The following DHX38 variants were observed in gnomAD, a reference collection of about 807,000 sequenced individuals.
DHX38 encodes DEAH-box helicase 38, also known as pre-mRNA-splicing factor ATP-dependent RNA helicase PRP16.
Under a neutral mutation model 153.1 loss-of-function variants are expected in DHX38, and 100 were observed. The ratio of observed to expected loss-of-function variants is 0.65; its 90% confidence interval spans 0.56 to 0.77. The LOEUF is 0.77. DHX38 is among the 30% of genes least tolerant of loss of function. The pLI, the probability that DHX38 is intolerant of heterozygous loss-of-function variation, is 0.00. For missense variants in DHX38, 1,440 were observed against 1,654.0 expected, an observed-to-expected ratio of 0.87 and a Z score of 2.24; for synonymous variants, 650 against 631.7, an observed-to-expected ratio of 1.03 and a Z score of -0.43.
Position 72,103,222 on chromosome 16 carries a change from C to G in DHX38, c.1637+11C>G, listed in dbSNP as rs1338085138. On this transcript the variant is annotated intron_variant, in intron 12 of 26. Coordinates refer to ENST00000268482, the MANE Select transcript of DHX38 (RefSeq NM_014003.4). ...GCTCACTATTATCAGGTAACTTCAC[C>G]CGGGGCCCAGGAATCTAGTGTCAAG... The G allele has an allele frequency of 6.2e-7, 1 of 1,611,620 alleles. No homozygotes were observed. The highest frequency in any genetic ancestry group is 1.1e-5 in the South Asian group (1 of 90,926).
rs140965988 is a variant in DHX38 at position 72,098,687 on chromosome 16, G to A, written c.659G>A (p.Ser220Asn). ...AGGTCTACCTGGGAGGAAGAGGACA[G>A]TGGCTATGGCTCCTCAAGGCGCTCA... ...PSRSTWEEED[S>N]GYGSSRRSQW... The change falls in exon 5 of 27, where the codon AGT (serine) becomes AAT (asparagine). Residue 220 changes from serine (S) to asparagine (N), a missense_variant. Ser to Asn is a conservative substitution (Grantham distance 46, BLOSUM62 1). Transcript: ENST00000268482. 2.5e-6 allele frequency: 4 copies of A among 1,614,102 alleles called. No homozygotes were observed. In the African/African-American group the frequency reaches 5.3e-5, roughly 22 times the overall value.
Position 72,112,601 on chromosome 16 carries a change from T to G in DHX38, c.*104T>G, listed in dbSNP as rs1019525687. The G allele has an allele frequency of 8.1e-7, 1 of 1,234,324 alleles. No homozygotes were observed. Among genetic ancestry groups the G allele is most frequent in the Non-Finnish European group, 1.2e-6 (1 of 858,874 alleles). 76.5% of individuals were successfully genotyped at this position (1,234,324 alleles called of 1,614,324 possible). A position where few individuals can be genotyped will look rare whatever the true frequency, so the allele number is the denominator to read the frequency against. ...AAGCCCTTTCATCTGAGGACTTTCA[T>G]CTGTGCATATCACGGCCCCCCAGGG... On this transcript the variant is annotated 3_prime_UTR_variant, in exon 27 of 27. Coordinates refer to ENST00000268482, the MANE Select transcript of DHX38 (RefSeq NM_014003.4).
At chr16:72,102,506 G>T (rs1597443248) in intron 11 of DHX38, among the ~76,000 whole-genome samples, 1 of 152,308 alleles carries the variant, frequency 6.6e-6, no homozygotes, top group East Asian at 1.9e-4. Flanking sequence ...GTGTGTACAT[G>T]TGTCAGACAT....
At chr16:72,101,317 G>T (rs544029939) in intron 10 of DHX38, 124 bp downstream of exon 10, 1 of 1,189,574 alleles carries the variant, frequency 8.4e-7, no homozygotes, top group Admixed American at 2.2e-5. Flanking sequence ...CCTTAGGCCC[G>T]ACAGCTGCGG....
intron 3 of DHX38, chr16:72,097,337 C>A: frequency 2.5e-6 from 1 of 401,864 alleles, no homozygotes. Flanking sequence ...TGGAACAAAG[C>A]TAGACAAAAA....
intron 25 of DHX38, among the ~76,000 whole-genome samples, chr16:72,110,348 G>A (rs1354909423): frequency 1.3e-5 from 2 of 152,220 alleles, no homozygotes; most frequent in African/African-American, 4.8e-5. Flanking sequence ...GCCTGCATGT[G>A]GCACTGTGAA....
intron 10 of DHX38, 24 bp from the exon 11 acceptor site, chr16:72,101,476 C>G: frequency 6.5e-7 from 1 of 1,545,082 alleles, no homozygotes; most frequent in Non-Finnish European, 8.8e-7. Flanking sequence ...CAGGATGGAG[C>G]AGACTGACCT....
chr16:72,109,942 TA>T (rs1237783834), intron 25 of DHX38, among the ~76,000 whole-genome samples: 1 of 152,178 alleles, frequency 6.6e-6, no homozygotes, highest in African/African-American at 2.4e-5. Flanking sequence ...TAAAAGGACT[TA>T]AAATTTTAAA....
intron 23 of DHX38, 26 bp from the exon 24 acceptor site, chr16:72,108,774 G>A: frequency 6.2e-7 from 1 of 1,607,870 alleles, no homozygotes; most frequent in Middle Eastern, 1.7e-4. Flanking sequence ...TTCCTGATGT[G>A]GCTGCCTGTT....
At chr16:72,103,816 T>C (rs780656809) in intron 13 of DHX38, 28 bp downstream of exon 13, 2 of 1,602,460 alleles carry the variant, frequency 1.2e-6, no homozygotes, top group East Asian at 2.2e-5. Context: ...CTGAGCCATG[T>C]AGTTATTCCC....
chr16:72,111,029 G>A lies in DHX38; in HGVS notation c.3551G>A (p.Arg1184Gln), dbSNP rs1286240734. 5.7e-6 allele frequency: 9 copies of A among 1,581,030 alleles called. No individual in the cohort carries two copies. Among genetic ancestry groups the A allele is most frequent in the African/African-American group, 2.7e-5 (2 of 74,468 alleles). ...ATGGCGCTGGCCGAGGAGCAGCTGCGAGCCCGGCGGCAGGAGCAGGAGAAG... is the reference window on the plus strand; with the variant it reads ...ATGGCGCTGGCCGAGGAGCAGCTGCAAGCCCGGCGGCAGGAGCAGGAGAAG... ...EEMALAEEQL[R>Q]ARRQEQEKRS... The change falls in exon 26 of 27, where the codon CGA (arginine) becomes CAA (glutamine). Residue 1184 changes from arginine (R) to glutamine (Q), a missense_variant. Physicochemically the swap from Arg to Gln is conservative, Grantham distance 43 (BLOSUM62 1). Coordinates refer to ENST00000268482, the MANE Select transcript of DHX38 (RefSeq NM_014003.4).
At chr16:72,109,601 C>A in intron 25 of DHX38, 91 bp downstream of exon 25, 1 of 1,182,224 alleles carries the variant, frequency 8.5e-7, no homozygotes, top group South Asian at 1.6e-5. Context: ...GTCATCCAAC[C>A]CACTTACTTC....
At chr16:72,105,411 G>A (rs966659917) in intron 17 of DHX38, 63 bp downstream of exon 17, 6 of 1,600,548 alleles carry the variant, frequency 3.7e-6, no homozygotes, top group Non-Finnish European at 5.1e-6. Flanking sequence ...GAGAGGGGAT[G>A]TGACTGTCCT....
intron 9 of DHX38, 35 bp from the exon 10 acceptor site, chr16:72,101,051 T>G: frequency 6.2e-7 from 1 of 1,603,926 alleles, no homozygotes; most frequent in South Asian, 1.1e-5. Context: ...CTTGCTGATT[T>G]TAACGGGCAT....
intron 7 of DHX38, 36 bp downstream of exon 7, chr16:72,099,316 TGGTGGCCGTCTGTAGATG>T (rs766525703): frequency 1.9e-6 from 3 of 1,546,740 alleles, no homozygotes; most frequent in Non-Finnish European, 2.6e-6. Flanking sequence ...TGATCGGGGC[TGGTGGCCGTCTGTAGATG>T]GGTGACCCTC....
rs2042174034 is a variant in DHX38 at position 72,106,173 on chromosome 16, G to A, written c.2600+56G>A. 7 of 1,562,748 alleles carry A rather than the reference G, an allele frequency of 4.5e-6. No homozygotes were observed. In the Admixed American group the frequency reaches 8.4e-5, roughly 19 times the overall value. On this transcript the variant is annotated intron_variant, in intron 19 of 26. Transcript: ENST00000268482. The stretch of plus-strand genomic sequence containing the variant: ...GGCAGCGCTGGGGTTGCTGAGCGTG[G>A]AGCCCGGGCGGGGGCGGGCAGGATG...
Position 72,097,664 on chromosome 16 carries a change from T to C in DHX38, c.512-13T>C. 1 of 1,612,970 alleles carries C rather than the reference T, an allele frequency of 6.2e-7. No homozygotes were observed. Among genetic ancestry groups the C allele is most frequent in the South Asian group, 1.1e-5 (1 of 90,866 alleles). ...GGGATGCATGTTTTTAAGCTTCGTGTGACTCTTCATAGATGAGCGGGATAG... is the reference window on the plus strand; with the variant it reads ...GGGATGCATGTTTTTAAGCTTCGTGCGACTCTTCATAGATGAGCGGGATAG... On this transcript the variant is annotated splice_polypyrimidine_tract_variant and intron_variant, in intron 3 of 26. Coordinates refer to ENST00000268482, the MANE Select transcript of DHX38 (RefSeq NM_014003.4).
Position 72,105,075 on chromosome 16 carries a change from G to A in DHX38, c.2200G>A (p.Val734Met), listed in dbSNP as rs747627084. The A allele has an allele frequency of 1.2e-6, 2 of 1,614,212 alleles. No homozygotes were observed. The highest frequency in any genetic ancestry group is 1.7e-6 in the Non-Finnish European group (2 of 1,180,038). ...GGCTGCAGTGAAGCAGTCCTTGCAG[G>A]TGCACCTGTCGGGGGCCCCTGGAGA... Reference protein sequence around the residue: ...VEAAVKQSLQVHLSGAPGDIL... With the variant: ...VEAAVKQSLQMHLSGAPGDIL... Residue 734 changes from valine to methionine, a missense_variant, in exon 16 of 27, where the codon GTG (valine) becomes ATG (methionine). Around this residue, in one of 6 missense-constraint regions of DHX38, gnomAD observed 543 missense variants for 717.9 expected, o/e 0.76. Coordinates refer to ENST00000268482, the MANE Select transcript of DHX38 (RefSeq NM_014003.4).
At chr16:72,103,810 G>C (rs2042134009) in intron 13 of DHX38, 22 bp downstream of exon 13, 1 of 1,604,010 alleles carries the variant, frequency 6.2e-7, no homozygotes, top group South Asian at 1.1e-5. Context: ...TGGGGGCTGA[G>C]CCATGTAGTT....
Sources: gnomAD v4.1 joint callset for allele counts (sites outside exome capture counted in the v4.1 genomes callset) on GRCh38, gnomAD v4.1.1 for gene constraint, gnomAD v4.1.1 regional missense constraint, MANE v1.5 for transcripts, NCBI Gene and HGNC (gene_info 2026-07-23, HGNC 2026-07-21) for gene names.